Variants in CENPP observed in about 807,000 individuals in gnomAD.
CENPP encodes the protein centromere protein P.
A neutral mutation model predicts 35.6 loss-of-function variants in CENPP; 24 were observed. The ratio of observed to expected loss-of-function variants is 0.67; its 90% CI spans 0.49 to 0.95. The LOEUF (loss-of-function observed/expected upper bound fraction) is 0.95. Ranked by LOEUF, CENPP falls within the 40% of genes least tolerant of loss-of-function variation. The pLI is 0.00. For missense variants in CENPP, 332 were observed against 345.3 expected (o/e 0.96, Z 0.31); for synonymous variants, 120 against 125.5 (o/e 0.96, Z 0.29).
chr9:92,345,534 A>G (rs1398117110), intron 3 of CENPP, among the ~76,000 whole-genome samples, 165 bp from the exon 4 acceptor site: 5 of 149,800 alleles, frequency 3.3e-5, no homozygotes. Context: ...GTTTTAATTT[A>G]CAATTATTAT....
intron 4 of CENPP, among the ~76,000 whole-genome samples, chr9:92,374,417 G>C (rs978494412): frequency 2.6e-5 from 4 of 151,984 alleles, no homozygotes; most frequent in African/African-American, 9.7e-5. Context: ...TGTTGGTCAG[G>C]CTGGTCTCGA....
intron 5 of CENPP, among the ~76,000 whole-genome samples, chr9:92,491,954 T>A (rs1846183402): frequency 6.6e-6 from 1 of 152,210 alleles, no homozygotes; most frequent in African/African-American, 2.4e-5. Context: ...ATAGTGAGGC[T>A]AGACTCCTGA....
At chr9:92,393,200 A>G (rs1293424272) in intron 5 of CENPP, 5 of 1,611,090 alleles carry the variant, frequency 3.1e-6, no homozygotes, top group Non-Finnish European at 4.2e-6. Flanking sequence ...TCTTCACAGT[A>G]TACAGAGCCA....
intron 3 of CENPP, among the ~76,000 whole-genome samples, chr9:92,342,851 A>T (rs904929437): frequency 6.6e-6 from 1 of 152,252 alleles, no homozygotes; most frequent in Non-Finnish European, 1.5e-5. Context: ...CTTTAGAAAC[A>T]TATCTAGTAG....
chr9:92,614,353 C>A lies in CENPP; in HGVS notation c.*1204C>A, dbSNP rs72754496. On this transcript the variant is annotated 3_prime_UTR_variant, in exon 8 of 8. Coordinates refer to ENST00000375587, the MANE Select transcript of CENPP (RefSeq NM_001012267.3). The stretch of plus-strand genomic sequence containing the variant: ...TCAACGGCCACTACCTCCACGCTTC[C>A]CAGAGCCTGCGGCTTGTCCGTGAGC... 6,012 of 152,510 alleles carry A rather than the reference C, an allele frequency of 0.039. 182 individuals carry two copies. Among genetic ancestry groups the A allele is most frequent in the South Asian group, 0.1 (492 of 4,830 alleles). The allele number at this position is 152,510 out of a possible 1,614,324, so 9.4% of individuals were successfully genotyped here.
At chr9:92,404,293 G>C (rs748837544) in intron 5 of CENPP, among the ~76,000 whole-genome samples, 123 of 152,150 alleles carry the variant, frequency 8.1e-4, no homozygotes, top group Admixed American at 1.6e-3. Context: ...AGAAGATAAT[G>C]GATTTGTGAC....
intron 4 of CENPP, among the ~76,000 whole-genome samples, chr9:92,366,043 G>A (rs929584825): frequency 4.6e-5 from 7 of 151,904 alleles, no homozygotes; most frequent in Admixed American, 1.3e-4. Flanking sequence ...AGCCAGGCGC[G>A]GTGGCGGGCA....
intron 5 of CENPP, among the ~76,000 whole-genome samples, chr9:92,557,621 C>T (rs1234280518): frequency 6.6e-6 from 1 of 152,024 alleles, no homozygotes; most frequent in Non-Finnish European, 1.5e-5. Context: ...ATTGCTGAGA[C>T]TTTCCAGAGC....
intron 5 of CENPP, among the ~76,000 whole-genome samples, chr9:92,405,901 C>T (rs551994178): frequency 3.0e-4 from 45 of 152,194 alleles, no homozygotes; most frequent in Non-Finnish European, 5.1e-4. Context: ...ACTTCAGACA[C>T]GTAAGCTCAG....
At chr9:92,549,391 A>C (rs2131323369) in intron 5 of CENPP, among the ~76,000 whole-genome samples, 1 of 152,232 alleles carries the variant, frequency 6.6e-6, no homozygotes, top group East Asian at 1.9e-4. Flanking sequence ...TCAAGCCTGT[A>C]ATTCCAGCAC....
At chr9:92,557,621 C>A (rs1234280518) in intron 5 of CENPP, among the ~76,000 whole-genome samples, 1 of 152,024 alleles carries the variant, frequency 6.6e-6, no homozygotes, top group Non-Finnish European at 1.5e-5. Flanking sequence ...ATTGCTGAGA[C>A]TTTCCAGAGC....
At chr9:92,562,822 C>T (rs1056654699) in intron 5 of CENPP, among the ~76,000 whole-genome samples, 2 of 152,060 alleles carry the variant, frequency 1.3e-5, no homozygotes, top group African/African-American at 2.4e-5. Context: ...ATGAAAAAGA[C>T]GACTTTGGCA....
At chr9:92,494,425 T>C (rs1465953316) in intron 5 of CENPP, among the ~76,000 whole-genome samples, 4 of 152,206 alleles carry the variant, frequency 2.6e-5, no homozygotes, top group Non-Finnish European at 4.4e-5. Flanking sequence ...TTAAAATTAG[T>C]AATGCACCTT....
intron 4 of CENPP, among the ~76,000 whole-genome samples, chr9:92,370,567 G>A (rs943007749): frequency 2.6e-5 from 4 of 151,956 alleles, no homozygotes; most frequent in East Asian, 1.9e-4. Context: ...TGCAACCTCC[G>A]CTTTCCGGGT....
chr9:92,416,669 T>C (rs1458067434), intron 5 of CENPP: 1 of 1,608,734 alleles, frequency 6.2e-7, no homozygotes, highest in Admixed American at 1.7e-5. Context: ...TCTTGGAATA[T>C]AGAATGCTTG....
chr9:92,398,280 A>C (rs1474779598), intron 5 of CENPP, among the ~76,000 whole-genome samples: 2 of 152,136 alleles, frequency 1.3e-5, no homozygotes, highest in Non-Finnish European at 2.9e-5. Context: ...TTATGTTTGT[A>C]TTCCAATTTG....
rs115703554 is a variant in CENPP at position 92,374,982 on chromosome 9, C to G, written c.468-4781C>G. On this transcript the variant is annotated intron_variant, in intron 4 of 7. Coordinates refer to ENST00000375587, the MANE Select transcript of CENPP (RefSeq NM_001012267.3). ...CTGGATATCAGTCTCAGGATTCTCT[C>G]TCTTTGGAGCTCAACAGATTTACTA... Among the ~76,000 whole-genome samples, 501 of 152,298 alleles carry G rather than the reference C, an allele frequency of 3.3e-3. 6 individuals carry two copies. Among genetic ancestry groups the G allele is most frequent in the Middle Eastern group, 0.01 (3 of 294 alleles).
chr9:92,373,265 T>TA (rs1011913084), intron 4 of CENPP, among the ~76,000 whole-genome samples: 5 of 151,880 alleles, frequency 3.3e-5, no homozygotes, highest in Non-Finnish European at 7.4e-5. Context: ...TCTTTTTATT[T>TA]AAAAATATAT....
intron 5 of CENPP, among the ~76,000 whole-genome samples, chr9:92,603,292 C>T (rs1033331268): frequency 1.3e-5 from 2 of 152,222 alleles, no homozygotes; most frequent in South Asian, 4.1e-4. Context: ...TAAGATCATA[C>T]GCATGGTAAT....
Sources: gnomAD v4.1 joint callset for allele counts (sites outside exome capture counted in the v4.1 genomes callset) on GRCh38, gnomAD v4.1.1 for gene constraint, MANE v1.5 for transcripts, NCBI Gene and HGNC (gene_info 2026-07-23, HGNC 2026-07-21) for gene names.